The following C8orf34 variants were observed in gnomAD, a reference collection of about 807,000 sequenced individuals.
The protein encoded by C8orf34 is uncharacterized protein C8orf34.
A neutral mutation model predicts 68.3 loss-of-function variants in C8orf34; 65 were observed. The ratio of observed to expected loss-of-function variants is 0.95; its 90% CI spans 0.78 to 1.17. The LOEUF (loss-of-function observed/expected upper bound fraction) is 1.17, where lower values mean the gene tolerates loss of function less well. C8orf34 is among the 50% of genes most tolerant of loss of function. C8orf34 has a pLI of 0.00. For missense variants in C8orf34, 664 were observed against 655.4 expected (o/e 1.01, Z -0.14); for synonymous variants, 244 against 241.2 (o/e 1.01, Z -0.11).
At chr8:68,767,586 A>G (rs1439075395) in intron 10 of C8orf34, among the ~76,000 whole-genome samples, 2 of 152,268 alleles carry the variant, frequency 1.3e-5, no homozygotes, top group African/African-American at 2.4e-5. Flanking sequence ...AAAATTATCC[A>G]GAAATAAGAT....
rs757151883 is a variant in C8orf34 at position 68,417,327 on chromosome 8, A to ATATT, written c.328-22171_328-22170insATTT. ...TCATTCTACAAATATATTGGCACATATGCAAAATGGACCATATATTGCCGT... is the reference window on the plus strand; with the variant it reads ...TCATTCTACAAATATATTGGCACATATATTTGCAAAATGGACCATATATTGCCGT... On this transcript the variant is annotated intron_variant, in intron 1 of 13. Transcript: ENST00000518698. Among the ~76,000 whole-genome samples the ATATT allele has an allele frequency of 1.6e-4, 24 of 152,204 alleles. No individual in the cohort carries two copies. In the East Asian group the frequency reaches 4.1e-3, roughly 26 times the overall value.
At chr8:68,520,489 T>C (rs1455861765) in intron 5 of C8orf34, among the ~76,000 whole-genome samples, 15 of 152,176 alleles carry the variant, frequency 9.9e-5, no homozygotes, top group South Asian at 8.3e-4. Flanking sequence ...CTTGCTCTGT[T>C]GCCCAGGCTG....
At chr8:68,589,846 AAAAG>A (rs1206588127) in intron 7 of C8orf34, among the ~76,000 whole-genome samples, 4 of 146,638 alleles carry the variant, frequency 2.7e-5, no homozygotes, top group African/African-American at 7.5e-5. Context: ...AGTAAAAAGA[AAAAG>A]AGAGAAATGA....
chr8:68,520,103 C>T (rs1204488410), intron 5 of C8orf34, among the ~76,000 whole-genome samples: 1 of 152,044 alleles, frequency 6.6e-6, no homozygotes, highest in East Asian at 1.9e-4. Flanking sequence ...CATTGTAGTG[C>T]TTTAATTTTC....
intron 1 of C8orf34, among the ~76,000 whole-genome samples, chr8:68,348,713 GT>G (rs537882075): frequency 2.0e-5 from 3 of 150,774 alleles, no homozygotes; most frequent in Non-Finnish European, 4.5e-5. Flanking sequence ...GTATTTTATT[GT>G]TTTTTTTGTG....
At chr8:68,625,680 TG>T (rs986540635) in intron 7 of C8orf34, 5 of 698,314 alleles carry the variant, frequency 7.2e-6, no homozygotes, top group Admixed American at 4.0e-5. Context: ...TGCTCCTCCC[TG>T]TGGCACACCA....
chr8:68,362,834 C>G (rs1387338327), intron 1 of C8orf34, among the ~76,000 whole-genome samples: 2 of 146,168 alleles, frequency 1.4e-5, no homozygotes, highest in African/African-American at 5.1e-5. Flanking sequence ...AAAATCAGAG[C>G]GCCTCTCCTC....
At chr8:68,747,902 A>T (rs1001161942) in intron 10 of C8orf34, among the ~76,000 whole-genome samples, 3 of 152,114 alleles carry the variant, frequency 2.0e-5, no homozygotes, top group Non-Finnish European at 2.9e-5. Context: ...GTTCATATGG[A>T]ATCAAAAAAG....
chr8:68,447,215 C>G (rs143461368), intron 3 of C8orf34: 1 of 152,202 alleles, frequency 6.6e-6, no homozygotes, highest in Non-Finnish European at 1.5e-5. Context: ...TAAGAACCAA[C>G]AGAGTGAGAA....
intron 10 of C8orf34, among the ~76,000 whole-genome samples, chr8:68,744,028 T>C (rs544983947): frequency 6.6e-6 from 1 of 152,104 alleles, no homozygotes; most frequent in African/African-American, 2.4e-5. Flanking sequence ...AGCATGCAGC[T>C]GGAGATCTGA....
At chr8:68,692,559 C>CA (rs894565418) in intron 8 of C8orf34, among the ~76,000 whole-genome samples, 1 of 151,302 alleles carries the variant, frequency 6.6e-6, no homozygotes, top group African/African-American at 2.4e-5. Context: ...AAAGTTATAA[C>CA]AAAAAAAGAC....
intron 8 of C8orf34, among the ~76,000 whole-genome samples, chr8:68,695,347 C>A (rs914720740): frequency 1.3e-5 from 2 of 152,038 alleles, no homozygotes; most frequent in African/African-American, 4.8e-5. Context: ...CAGGGTTTCA[C>A]CTTGTTGGCC....
intron 10 of C8orf34, among the ~76,000 whole-genome samples, chr8:68,745,040 C>A (rs1290136385): frequency 1.3e-5 from 2 of 152,118 alleles, no homozygotes; most frequent in Non-Finnish European, 2.9e-5. Context: ...GATCTCTCGG[C>A]AGAAACCCTA....
chr8:68,645,301 T>G (rs552764190), intron 8 of C8orf34, among the ~76,000 whole-genome samples: 2 of 152,180 alleles, frequency 1.3e-5, no homozygotes, highest in Non-Finnish European at 2.9e-5. Context: ...AACACAGTTT[T>G]CTCTTTTTCT....
At chr8:68,356,496 C>G (rs1806753861) in intron 1 of C8orf34, among the ~76,000 whole-genome samples, 1 of 152,066 alleles carries the variant, frequency 6.6e-6, no homozygotes, top group Admixed American at 6.6e-5. Context: ...TATATGCCTG[C>G]TCAATTTTCA....
intron 5 of C8orf34, among the ~76,000 whole-genome samples, chr8:68,496,444 C>T (rs1005491949): frequency 7.2e-5 from 11 of 152,124 alleles, no homozygotes; most frequent in Admixed American, 6.6e-5. Context: ...CATAAATTTA[C>T]CTTCAAAACT....
intron 10 of C8orf34, among the ~76,000 whole-genome samples, chr8:68,758,953 C>T (rs1425429656): frequency 1.3e-5 from 2 of 152,062 alleles, no homozygotes; most frequent in Non-Finnish European, 2.9e-5. Context: ...ATCTTACTGT[C>T]ATTTCTTACA....
intron 8 of C8orf34, among the ~76,000 whole-genome samples, chr8:68,652,982 AAC>A (rs1819406593): frequency 6.6e-6 from 1 of 152,204 alleles, no homozygotes; most frequent in South Asian, 2.1e-4. Flanking sequence ...CTCAAATTAT[AAC>A]AGTGTTGTGT....
intron 1 of C8orf34, among the ~76,000 whole-genome samples, chr8:68,395,855 T>G (rs1808683120): frequency 6.6e-6 from 1 of 152,128 alleles, no homozygotes; most frequent in Admixed American, 6.6e-5. Context: ...CTAACATCTA[T>G]ATTCTATCTG....
Sources: gnomAD v4.1 joint callset for allele counts (sites outside exome capture counted in the v4.1 genomes callset) on GRCh38, gnomAD v4.1.1 for gene constraint, MANE v1.5 for transcripts, NCBI Gene and HGNC (gene_info 2026-07-23, HGNC 2026-07-21) for gene names.